Variants in NEBL observed in about 807,000 individuals in gnomAD.
The protein encoded by NEBL is LIM and SH3 protein 2.
Under a neutral mutation model 140.2 loss-of-function variants are expected in NEBL, and 122 were observed. That is an observed-to-expected ratio of 0.87 (90% CI 0.75 to 1.01). The LOEUF (loss-of-function observed/expected upper bound fraction) is 1.01. Ranked by LOEUF, NEBL falls within the 50% of genes least tolerant of loss-of-function variation. The pLI is 0.00. For synonymous variants in NEBL, 436 were observed against 398.9 expected, an observed-to-expected ratio of 1.09 and a Z score of -1.11; for missense variants, 1,365 against 1,231.3, an observed-to-expected ratio of 1.11 and a Z score of -1.62.
rs3858204 is a variant in NEBL at position 21,037,810 on chromosome 10, A to G, written c.165-17609T>C. On this transcript the variant is annotated intron_variant, in intron 2 of 6. Transcript: ENST00000417816. Reference sequence around the variant, plus strand: ...TTGGAGGTCAAAAAACACTCCCCTAATGAAGAGTAGAAAGATAGACAAAAT... The same window carrying G: ...TTGGAGGTCAAAAAACACTCCCCTAGTGAAGAGTAGAAAGATAGACAAAAT... Among the ~76,000 whole-genome samples the G allele has an allele frequency of 0.012, 1,422 of 122,254 alleles. 43 individuals are homozygous for G. In the East Asian group the frequency reaches 0.13, roughly 11 times the overall value. The allele number at this position is 122,254 out of a possible 152,430, so 80.2% of individuals were successfully genotyped here.
In NEBL at chr10:21,212,195, GTATAA is replaced by G. The variant is rs529512404; in HGVS notation, n.348+35721_348+35725del. Among the ~76,000 whole-genome samples, 21 of 151,184 alleles carry G rather than the reference GTATAA, an allele frequency of 1.4e-4. 1 individual carries two copies. In the South Asian group the frequency reaches 3.8e-3, roughly 27 times the overall value. The stretch of plus-strand genomic sequence containing the variant: ...ACATATAATACTGTGTACAATATAT[GTATAA>G]TATGTCAGAAAGATAATACAAATAT... On this transcript the variant is annotated intron_variant and non_coding_transcript_variant, in intron 3 of 8. Coordinates refer to the NEBL transcript ENST00000675702.
At chr10:21,029,225 C>T in intron 2 of NEBL, 2 of 1,481,510 alleles carry the variant, frequency 1.3e-6, no homozygotes, top group Non-Finnish European at 1.9e-6. Flanking sequence ...CTTCCCACTG[C>T]TCCACCGGCT....
At chr10:21,191,227 G>C (rs1841568560) in intron 3 of NEBL, among the ~76,000 whole-genome samples, 1 of 152,118 alleles carries the variant, frequency 6.6e-6, no homozygotes. Flanking sequence ...AACACTCCTA[G>C]GAGCTTATGA....
intron 4 of NEBL, among the ~76,000 whole-genome samples, chr10:20,958,410 T>C (rs1413025829): frequency 6.6e-6 from 1 of 152,212 alleles, no homozygotes. Context: ...AAGTCAGTGC[T>C]GAACACATTG....
intron 2 of NEBL, among the ~76,000 whole-genome samples, chr10:21,125,227 T>TAC (rs59284447): frequency 0.075 from 11,108 of 148,142 alleles, 887 homozygotes; most frequent in African/African-American, 0.21. Flanking sequence ...CACATGCATA[T>TAC]ACACACACAC....
At chr10:21,029,680 T>C in intron 2 of NEBL, 1 of 1,133,660 alleles carries the variant, frequency 8.8e-7, no homozygotes, top group Non-Finnish European at 1.3e-6. Flanking sequence ...TCGAGATCGT[T>C]ATGATTCAGA....
chr10:21,184,410 A>G (rs1039559774), intron 3 of NEBL, among the ~76,000 whole-genome samples: 1 of 152,356 alleles, frequency 6.6e-6, no homozygotes, highest in Admixed American at 6.5e-5. Context: ...TCAAACAAGC[A>G]TGGAGCCTGC....
intron 2 of NEBL, among the ~76,000 whole-genome samples, chr10:21,101,437 G>T (rs1837472376): frequency 3.3e-5 from 5 of 152,148 alleles, no homozygotes; most frequent in Admixed American, 3.3e-4. Flanking sequence ...TCCTCCTTCT[G>T]CTACCCCTTC....
chr10:21,036,316 T>A (rs187288189), intron 2 of NEBL, among the ~76,000 whole-genome samples: 213 of 152,100 alleles, frequency 1.4e-3, no homozygotes, highest in East Asian at 7.8e-4. Flanking sequence ...TAGCCAGGCG[T>A]GCTGGTGTAC....
At chr10:21,178,401 G>A, upstream of NEBL, among the ~76,000 whole-genome samples, 1 of 152,120 alleles carries the variant, frequency 6.6e-6, no homozygotes, top group East Asian at 1.9e-4. Context: ...TATGATAAAT[G>A]CTCTAAAATA....
chr10:21,039,062 T>G (rs1229654990), intron 2 of NEBL, among the ~76,000 whole-genome samples: 2 of 22,306 alleles, frequency 9.0e-5, no homozygotes, highest in African/African-American at 2.9e-4. Context: ...ATGGGGCTGT[T>G]TTTTTTTTTT....
intron 4 of NEBL, among the ~76,000 whole-genome samples, chr10:20,905,108 T>C (rs532954044): frequency 6.6e-6 from 1 of 152,278 alleles, no homozygotes; most frequent in African/African-American, 2.4e-5. Flanking sequence ...GAAAGGGTTT[T>C]GGGGGTTGTA....
chr10:21,132,421 T>C (rs879344798), intron 2 of NEBL, among the ~76,000 whole-genome samples: 2 of 152,230 alleles, frequency 1.3e-5, no homozygotes, highest in African/African-American at 2.4e-5. Context: ...ACTTTTTAGC[T>C]GTTATGCATA....
chr10:21,172,316 G>A (rs1841112257), intron 2 of NEBL: 2 of 1,251,242 alleles, frequency 1.6e-6, no homozygotes, highest in Admixed American at 1.7e-5. Context: ...CTTCAAAACA[G>A]GCAGGTCCAC....
At chr10:20,896,864 A>G in intron 2 of NEBL, 94 bp downstream of exon 2, 1 of 1,075,978 alleles carries the variant, frequency 9.3e-7, no homozygotes, top group Non-Finnish European at 1.4e-6. Flanking sequence ...TTAAAAGGTG[A>G]TTTCAGGGTT....
At chr10:20,872,704 G>A (rs1845073836) in intron 5 of NEBL, among the ~76,000 whole-genome samples, 1 of 152,164 alleles carries the variant, frequency 6.6e-6, no homozygotes, top group Admixed American at 6.5e-5. Context: ...ACAGCTTGCA[G>A]TAAAGAAGCC....
At chr10:21,195,335 G>C (rs1841631906) in intron 3 of NEBL, among the ~76,000 whole-genome samples, 1 of 152,170 alleles carries the variant, frequency 6.6e-6, no homozygotes, top group South Asian at 2.1e-4. Context: ...TTGAGTGACA[G>C]CCATAAAATT....
intron 3 of NEBL, chr10:21,020,041 G>C: frequency 7.8e-7 from 1 of 1,283,242 alleles, no homozygotes; most frequent in Non-Finnish European, 1.1e-6. Context: ...ACAGTACGAA[G>C]ACAAGAATCT....
intron 3 of NEBL, among the ~76,000 whole-genome samples, chr10:21,220,916 G>T (rs973144577): frequency 1.3e-5 from 2 of 152,238 alleles, no homozygotes; most frequent in African/African-American, 4.8e-5. Flanking sequence ...AGCGCTTTGG[G>T]AGGCCGAGGC....
Sources: gnomAD v4.1 joint callset for allele counts (sites outside exome capture counted in the v4.1 genomes callset) on GRCh38, gnomAD v4.1.1 for gene constraint, MANE v1.5 for transcripts, NCBI Gene and HGNC (gene_info 2026-07-23, HGNC 2026-07-21) for gene names.